Variants in OR7A10 observed in about 807,000 individuals in gnomAD.
The protein encoded by OR7A10 is olfactory receptor family 7 subfamily A member 10.
For synonymous variants in OR7A10, 144 were observed against 144.5 expected (o/e 1.00, Z 0.02); for missense variants, 358 against 370.1 (o/e 0.97, Z 0.27).
chr19:14,845,953 G>C (rs1215031851), intron 1 of OR7A10, among the ~76,000 whole-genome samples: 3 of 152,134 alleles, frequency 2.0e-5, no homozygotes, highest in African/African-American at 7.2e-5. Flanking sequence ...TAGGAGTCAA[G>C]ACCAGCCTGA....
intron 1 of OR7A10, among the ~76,000 whole-genome samples, chr19:14,844,433 G>T (rs2044930280): frequency 6.6e-6 from 1 of 152,094 alleles, no homozygotes; most frequent in Admixed American, 6.6e-5. Context: ...GATGTTCAAG[G>T]CTAACAAGGA....
At chr19:14,845,229 C>T (rs1235877221) in intron 1 of OR7A10, among the ~76,000 whole-genome samples, 1 of 151,814 alleles carries the variant, frequency 6.6e-6, no homozygotes, top group African/African-American at 2.4e-5. Context: ...AATCCCAGCA[C>T]TTTGGGAGGC....
chr19:14,843,790 G>T (rs1599932321), intron 1 of OR7A10, among the ~76,000 whole-genome samples: 1 of 152,114 alleles, frequency 6.6e-6, no homozygotes, highest in African/African-American at 2.4e-5. Flanking sequence ...AGAAGTCCTT[G>T]TGTTAGTTTG....
chr19:14,848,113 ACT>A (rs1170469225), intron 1 of OR7A10, among the ~76,000 whole-genome samples: 2 of 133,424 alleles, frequency 1.5e-5, no homozygotes, highest in East Asian at 3.3e-4. Flanking sequence ...ACAGAGTAAG[ACT>A]CTGTCTAAAA....
intron 1 of OR7A10, among the ~76,000 whole-genome samples, chr19:14,847,409 G>A (rs1020728931): frequency 1.3e-5 from 2 of 152,186 alleles, no homozygotes; most frequent in South Asian, 2.1e-4. Flanking sequence ...AAAACTGTAC[G>A]TTTCATAAAC....
intron 1 of OR7A10, among the ~76,000 whole-genome samples, chr19:14,843,935 G>C (rs141004083): frequency 6.6e-6 from 1 of 152,224 alleles, no homozygotes; most frequent in African/African-American, 2.4e-5. Flanking sequence ...AGGGGAGGGA[G>C]AGTATTAGAA....
intron 1 of OR7A10, among the ~76,000 whole-genome samples, chr19:14,843,695 AT>A (rs1395906973): frequency 4.6e-5 from 7 of 152,160 alleles, no homozygotes; most frequent in Non-Finnish European, 8.8e-5. Context: ...AGGGAGAAAA[AT>A]CTTTCATGCA....
intron 1 of OR7A10, among the ~76,000 whole-genome samples, chr19:14,847,377 C>T (rs2044947642): frequency 6.6e-6 from 1 of 152,132 alleles, no homozygotes; most frequent in Admixed American, 6.5e-5. Flanking sequence ...CATTTGAATA[C>T]CTAGCATAAG....
At chr19:14,846,089 G>T (rs1171315176) in intron 1 of OR7A10, among the ~76,000 whole-genome samples, 1 of 152,114 alleles carries the variant, frequency 6.6e-6, no homozygotes, top group Non-Finnish European at 1.5e-5. Context: ...GGGAGGCGGA[G>T]GTTGCAGTAA....
Position 14,841,794 on chromosome 19 carries a change from A to C in OR7A10, c.84T>G (p.Phe28Leu). ...CCAGGTACATGGACAGGAACAGCCC[A>C]AAGAGGAAGGCCTGCAATTCTGGTT... ...SEEPELQAFL[F>L]GLFLSMYLVT... is the part of the protein sequence containing the mutation. The change falls in exon 2 of 2, where the codon TTT (phenylalanine) becomes TTG (leucine). Residue 28 changes from phenylalanine to leucine, a missense_variant. Transcript: ENST00000641129. The C allele has an allele frequency of 1.9e-6, 3 of 1,614,108 alleles. No homozygotes were observed. Among genetic ancestry groups the C allele is most frequent in the Non-Finnish European group, 2.5e-6 (3 of 1,180,030 alleles).
intron 1 of OR7A10, among the ~76,000 whole-genome samples, chr19:14,842,576 C>G (rs2044921136): frequency 1.3e-5 from 2 of 152,146 alleles, no homozygotes; most frequent in African/African-American, 4.8e-5. Context: ...TTCACGTGCA[C>G]TCAATGTTTA....
At chr19:14,844,038 C>A (rs1389265236) in intron 1 of OR7A10, among the ~76,000 whole-genome samples, 1 of 152,134 alleles carries the variant, frequency 6.6e-6, no homozygotes, top group Admixed American at 6.6e-5. Flanking sequence ...TGTAACCAAA[C>A]TGCACATTCT....
chr19:14,842,714 T>G (rs76254634), intron 1 of OR7A10, among the ~76,000 whole-genome samples: 1 of 152,202 alleles, frequency 6.6e-6, no homozygotes, highest in Non-Finnish European at 1.5e-5. Flanking sequence ...TATTATGGCT[T>G]CGTAATATTC....
chr19:14,844,523 C>T (rs149331270), intron 1 of OR7A10, among the ~76,000 whole-genome samples: 79 of 152,226 alleles, frequency 5.2e-4, no homozygotes, highest in Non-Finnish European at 1.0e-3. Flanking sequence ...AGGTGACCTC[C>T]TAAATGCTGA....
intron 1 of OR7A10, among the ~76,000 whole-genome samples, chr19:14,846,041 T>C (rs1041509036): frequency 1.3e-5 from 2 of 152,052 alleles, no homozygotes; most frequent in African/African-American, 4.8e-5. Context: ...TAATCCCAGC[T>C]ACTTCGGGAG....
At chr19:14,845,740 G>T (rs934079195) in intron 1 of OR7A10, among the ~76,000 whole-genome samples, 2 of 152,124 alleles carry the variant, frequency 1.3e-5, no homozygotes, top group Admixed American at 6.5e-5. Context: ...CTCAATCTCA[G>T]CACTACTTAA....
chr19:14,844,442 G>A (rs1423927467), intron 1 of OR7A10, among the ~76,000 whole-genome samples: 1 of 152,120 alleles, frequency 6.6e-6, no homozygotes, highest in African/African-American at 2.4e-5. Context: ...GGCTAACAAG[G>A]AATCCAGTGT....
chr19:14,843,997 G>A (rs1448123108), intron 1 of OR7A10, among the ~76,000 whole-genome samples: 3 of 152,128 alleles, frequency 2.0e-5, no homozygotes, highest in Non-Finnish European at 4.4e-5. Context: ...GTTGATGGGT[G>A]CAGCAAACCA....
chr19:14,841,582 G>A lies in OR7A10; in HGVS notation c.296C>T (p.Thr99Ile), dbSNP rs1323411881. 5 of 1,614,194 alleles carry A rather than the reference G, an allele frequency of 3.1e-6. No individual in the cohort carries two copies. Residue 99 changes from threonine to isoleucine, a missense_variant, in exon 2 of 2, where the codon ACC becomes ATC. Physicochemically the swap from Thr to Ile is moderately conservative, Grantham distance 89. Coordinates refer to ENST00000641129, the MANE Select transcript of OR7A10 (RefSeq NM_001005190.2). ...NKVITYAGCI[T>I]QMCFFLLFVG... is the part of the protein sequence containing the mutation. Reference sequence around the variant, plus strand: ...AAAGAGTAAGAAAAAGCACATCTGGGTGATGCAGCCTGCATAGGTGATGAC... The same window carrying A: ...AAAGAGTAAGAAAAAGCACATCTGGATGATGCAGCCTGCATAGGTGATGAC...
Sources: allele counts gnomAD v4.1 joint callset (sites outside exome capture counted in the v4.1 genomes callset), GRCh38; gene constraint gnomAD v4.1.1; transcripts MANE v1.5; gene names NCBI Gene and HGNC (gene_info 2026-07-23, HGNC 2026-07-21).